Variants in AK5 observed in about 807,000 individuals in gnomAD.
AK5 encodes the protein adenylate kinase 5.
In AK5, 27 loss-of-function variants were observed where a neutral mutation model predicts 69.5. That is an observed-to-expected ratio of 0.39 (90% CI 0.29 to 0.54). AK5 has a LOEUF of 0.54. Ranked by LOEUF, AK5 falls within the 20% of genes least tolerant of loss-of-function variation. The pLI is 0.71. For missense variants in AK5, 531 were observed against 700.4 expected, an observed-to-expected ratio of 0.76 and a Z score of 2.73; for synonymous variants, 260 against 244.4, an observed-to-expected ratio of 1.06 and a Z score of -0.60.
At chr1:77,393,914 T>G (rs1196321302) in intron 6 of AK5, among the ~76,000 whole-genome samples, 2 of 152,100 alleles carry the variant, frequency 1.3e-5, no homozygotes, top group Non-Finnish European at 2.9e-5. Flanking sequence ...AGCCAGATTT[T>G]AAAATAATGT....
chr1:77,383,401 C>T (rs972886758), intron 6 of AK5, among the ~76,000 whole-genome samples: 5 of 151,978 alleles, frequency 3.3e-5, no homozygotes, highest in Non-Finnish European at 7.4e-5. Context: ...ATTTGCAAAC[C>T]ATTTATGGTT....
intron 6 of AK5, among the ~76,000 whole-genome samples, chr1:77,376,439 A>AAAAAAC (rs1159417090): frequency 0.012 from 1,101 of 95,354 alleles, 31 homozygotes; most frequent in African/African-American, 0.041. Flanking sequence ...ATGCCAAAAA[A>AAAAAAC]AAAAAAAAAA....
Position 77,505,144 on chromosome 1 carries a change from T to C in AK5, c.1148-13420T>C, listed in dbSNP as rs530998937. Among the ~76,000 whole-genome samples, 376 of 152,318 alleles carry C rather than the reference T, an allele frequency of 2.5e-3. 5 individuals carry two copies. Among genetic ancestry groups the C allele is most frequent in the Non-Finnish European group, 6.8e-4 (46 of 68,030 alleles). ...CCAGTTTCCGTGATGTGGTCTAGAA[T>C]TGAACATAAAACCTCAGATGTAATC... On this transcript the variant is annotated intron_variant, in intron 10 of 13. Transcript: ENST00000354567.
chr1:77,521,969 C>T (rs1380158599), intron 12 of AK5, 26 bp downstream of exon 12: 1 of 1,524,950 alleles, frequency 6.6e-7, no homozygotes, highest in African/African-American at 1.4e-5. Context: ...GGGCATCCTT[C>T]CAGAAGAAAA....
chr1:77,318,232 A>G (rs536672844), intron 5 of AK5, among the ~76,000 whole-genome samples: 9 of 152,222 alleles, frequency 5.9e-5, no homozygotes, highest in Non-Finnish European at 1.3e-4. Flanking sequence ...GGTAGATGGC[A>G]CTTCACATGG....
intron 6 of AK5, among the ~76,000 whole-genome samples, chr1:77,367,572 TA>T (rs1319445086): frequency 2.1e-3 from 8 of 3,752 alleles, no homozygotes; most frequent in South Asian, 0.015. Flanking sequence ...TATATATATA[TA>T]TATATAATAT....
intron 6 of AK5, among the ~76,000 whole-genome samples, chr1:77,381,698 G>A (rs1647645393): frequency 6.6e-6 from 1 of 151,974 alleles, no homozygotes; most frequent in African/African-American, 2.4e-5. Context: ...TAAATATTTG[G>A]GGTTCCCAGG....
At chr1:77,412,715 C>T (rs907462449) in intron 7 of AK5, among the ~76,000 whole-genome samples, 3 of 152,028 alleles carry the variant, frequency 2.0e-5, no homozygotes, top group Non-Finnish European at 2.9e-5. Flanking sequence ...GGTTTGGTCC[C>T]GCCACTGTTT....
In AK5 at chr1:77,309,395, G is replaced by A. The variant is rs556668905; in HGVS notation, c.699+11448G>A. ...TCCAGTTTTATATACCTGTCTACAC[G>A]TTCGACATGCTGTACCACTTCCTGT... On this transcript the variant is annotated intron_variant, in intron 5 of 13. Transcript: ENST00000354567. Among the ~76,000 whole-genome samples, 4 of 152,102 alleles carry A rather than the reference G, an allele frequency of 2.6e-5. No individual in the cohort carries two copies. In the South Asian group the frequency reaches 6.2e-4, roughly 24 times the overall value.
intron 10 of AK5, among the ~76,000 whole-genome samples, chr1:77,492,032 G>A (rs563704797): frequency 5.0e-4 from 76 of 152,226 alleles, no homozygotes; most frequent in Middle Eastern, 3.4e-3. Context: ...ACCACAGTTC[G>A]TTTGTTAGAT....
intron 6 of AK5, among the ~76,000 whole-genome samples, chr1:77,343,415 A>G (rs1217274805): frequency 4.6e-5 from 7 of 152,208 alleles, no homozygotes; most frequent in African/African-American, 1.2e-4. Flanking sequence ...CCTACAAGGT[A>G]TAGCCTCTAG....
At chr1:77,499,964 T>C (rs1656613983) in intron 10 of AK5, among the ~76,000 whole-genome samples, 1 of 147,656 alleles carries the variant, frequency 6.8e-6, no homozygotes, top group Non-Finnish European at 1.5e-5. Flanking sequence ...TATATGTCTT[T>C]AGAATGAATG....
chr1:77,400,933 TAAAAAAA>T (rs71689422), intron 6 of AK5, among the ~76,000 whole-genome samples: 18 of 115,296 alleles, frequency 1.6e-4, no homozygotes, highest in South Asian at 5.9e-4. Context: ...TTCATTCTGT[TAAAAAAA>T]AAAAAAAAAA....
intron 5 of AK5, among the ~76,000 whole-genome samples, chr1:77,334,804 A>G (rs1224067284): frequency 6.6e-6 from 1 of 152,146 alleles, no homozygotes. Flanking sequence ...GGAGTCCAAC[A>G]AAAGCCTGGG....
intron 10 of AK5, among the ~76,000 whole-genome samples, chr1:77,495,716 G>A (rs1656273931): frequency 1.3e-5 from 2 of 152,136 alleles, no homozygotes; most frequent in African/African-American, 4.8e-5. Context: ...TGGGTCTGAG[G>A]GAACCTGGTC....
chr1:77,554,867 T>C (rs777742441), intron 13 of AK5, among the ~76,000 whole-genome samples: 111 of 151,472 alleles, frequency 7.3e-4, no homozygotes, highest in Middle Eastern at 3.4e-3. Context: ...CCACCCGCCT[T>C]GGCCTCCCAA....
intron 5 of AK5, among the ~76,000 whole-genome samples, chr1:77,321,296 AC>A (rs1660515267): frequency 6.6e-6 from 1 of 152,046 alleles, no homozygotes; most frequent in Admixed American, 6.5e-5. Context: ...ACACGGTGAA[AC>A]CCCATCTCTA....
chr1:77,417,897 C>T (rs559998650), intron 8 of AK5, 182 bp downstream of exon 8: 22 of 486,676 alleles, frequency 4.5e-5, no homozygotes, highest in Middle Eastern at 1.1e-3. Flanking sequence ...GGCTTTTTGG[C>T]ACTCCCTTGT....
chr1:77,490,698 A>G (rs889486206), intron 10 of AK5, among the ~76,000 whole-genome samples: 2 of 152,044 alleles, frequency 1.3e-5, no homozygotes, highest in Admixed American at 6.5e-5. Flanking sequence ...ATGTAAAAAT[A>G]GCCTTTAAAG....
Sources: gnomAD v4.1 joint callset for allele counts (sites outside exome capture counted in the v4.1 genomes callset) on GRCh38, gnomAD v4.1.1 for gene constraint, MANE v1.5 for transcripts, NCBI Gene and HGNC (gene_info 2026-07-23, HGNC 2026-07-21) for gene names.